Variants in CACNA2D4 observed in about 807,000 individuals in gnomAD.
CACNA2D4 encodes the protein calcium voltage-gated channel auxiliary subunit alpha2delta 4, also known as voltage-dependent calcium channel subunit alpha-2/delta-4.
Under a neutral mutation model 163.8 loss-of-function variants are expected in CACNA2D4, and 157 were observed. The ratio of observed to expected loss-of-function variants is 0.96; its 90% confidence interval spans 0.84 to 1.09. The LOEUF (loss-of-function observed/expected upper bound fraction) is 1.09. CACNA2D4 is among the 50% of genes least tolerant of loss of function. The probability of loss-of-function intolerance (pLI) is 0.00; values close to 1 mark genes in which losing one functional copy is unlikely to be tolerated. For synonymous variants in CACNA2D4, 598 were observed against 586.9 expected (o/e 1.02, Z -0.27); for missense variants, 1,410 against 1,479.9 (o/e 0.95, Z 0.78).
Position 1,828,194 on chromosome 12 carries a change from CT to C in CACNA2D4, c.2551+12544del. The C allele has an allele frequency of 6.5e-7, 1 of 1,547,172 alleles. No homozygotes were observed. Among genetic ancestry groups the C allele is most frequent in the Non-Finnish European group, 8.7e-7 (1 of 1,145,438 alleles). On this transcript the variant is annotated intron_variant, in intron 26 of 37. Transcript: ENST00000382722. This position sits in a 1 kb window ranked among gnomAD's most constrained non-coding sequence, Gnocchi z 4.2. ...CCCTGGGCAGAGGGGCAGGCTCGCC[CT>C]GCAGTGGAGGCAAGTCTCCTGTGAG...
At chr12:1,847,302 G>C (rs1205247108) in intron 23 of CACNA2D4, among the ~76,000 whole-genome samples, 1 of 152,226 alleles carries the variant, frequency 6.6e-6, no homozygotes, top group Non-Finnish European at 1.5e-5. Flanking sequence ...TTTTGACCCA[G>C]ATGATATTCT....
At position 1,886,981 on chromosome 12, in the gene CACNA2D4, C is replaced by T. The variant is rs2470390; in HGVS notation, c.842+28G>A. ...AAAGCTATGAGATAAATACCCGGGC[C>T]GCAAACCTTTCCCCTGTGAGCTCTT... On this transcript the variant is annotated intron_variant, in intron 7 of 37. Coordinates refer to ENST00000382722, the MANE Select transcript of CACNA2D4 (RefSeq NM_172364.5). 1.1e-3 allele frequency: 1,775 copies of T among 1,545,518 alleles called. 12 individuals carry two copies. The African/African-American group carries it at 0.021, about 18-fold the overall frequency.
At chr12:1,826,409 C>G (rs930977452) in intron 26 of CACNA2D4, among the ~76,000 whole-genome samples, 1 of 60,718 alleles carries the variant, frequency 1.6e-5, no homozygotes, top group South Asian at 6.9e-4. Context: ...AGCCCCCCCC[C>G]CCCCCCCGCC....
In CACNA2D4 at chr12:1,874,824, G is replaced by A. The variant is rs1865850892; in HGVS notation, c.1807-149C>T. On this transcript the variant is annotated intron_variant, in intron 17 of 37. Transcript: ENST00000382722. This position sits in a 1 kb window ranked among gnomAD's most constrained non-coding sequence, Gnocchi z 4.4. ...GAGAGAGATACCAGGAGGGAAGATG[G>A]ACCTGACTCTAAGCTCCATCTAGCT... The A allele has an allele frequency of 4.4e-6, 3 of 681,664 alleles. No homozygotes were observed. The Admixed American group carries it at 6.4e-5, about 15-fold the overall frequency. 42.2% of individuals were successfully genotyped at this position (681,664 alleles called of 1,614,324 possible).
chr12:1,886,516 C>T, intron 7 of CACNA2D4, 143 bp from the exon 8 acceptor site: 3 of 741,674 alleles, frequency 4.0e-6, no homozygotes, highest in East Asian at 2.7e-5. Context: ...CCAGGTTTCA[C>T]ATGTTCCATA....
chr12:1,825,865 A>G (rs1864295005), intron 26 of CACNA2D4, among the ~76,000 whole-genome samples: 1 of 152,180 alleles, frequency 6.6e-6, no homozygotes, highest in African/African-American at 2.4e-5. Context: ...GTGACCTTGG[A>G]CAAGTGATCA....
In CACNA2D4 at chr12:1,834,322, C is replaced by A. The variant is rs1484331346; in HGVS notation, c.2551+6417G>T. 1.2e-6 allele frequency: 2 copies of A among 1,610,540 alleles called. No individual in the cohort carries two copies. The highest frequency in any genetic ancestry group is 8.5e-7 in the Non-Finnish European group (1 of 1,178,394). On this transcript the variant is annotated intron_variant, in intron 26 of 37. Coordinates refer to ENST00000382722, the MANE Select transcript of CACNA2D4 (RefSeq NM_172364.5). The surrounding 1 kb of genome is among the most constrained non-coding windows in gnomAD (Gnocchi z 7.6). ...TGCCCAAGGAGCTGAGGGGGAAGGA[C>A]ATGCGGATGGTCCCCATGGAGATGT... is the stretch of plus-strand genomic sequence containing the variant.
rs1479602504 is a variant in CACNA2D4, at chr12:1,874,392, AGCATT to A, written c.1878+207_1878+211del. 6.6e-6 allele frequency among the ~76,000 whole-genome samples: 1 copy of A among 152,204 alleles called. No individual in the cohort carries two copies. The highest frequency in any genetic ancestry group is 1.5e-5 in the Non-Finnish European group (1 of 68,022). The stretch of plus-strand genomic sequence containing the variant: ...CAGCTCAGCGGTCTCCCAAAAGCCA[AGCATT>A]GCATGAGCAATCCTGTCATTCCCTG... On this transcript the variant is annotated intron_variant, in intron 18 of 37. Coordinates refer to ENST00000382722, the MANE Select transcript of CACNA2D4 (RefSeq NM_172364.5). This position sits in a 1 kb window ranked among gnomAD's most constrained non-coding sequence, Gnocchi z 4.4.
In CACNA2D4 at chr12:1,878,946, C is replaced by T. The variant is rs1037990675; in HGVS notation, c.1644+10G>A. 5.6e-6 allele frequency: 9 copies of T among 1,612,238 alleles called. No homozygotes were observed. Among genetic ancestry groups the T allele is most frequent in the Non-Finnish European group, 7.6e-6 (9 of 1,178,642 alleles). On this transcript the variant is annotated intron_variant, in intron 15 of 37. Coordinates refer to ENST00000382722, the MANE Select transcript of CACNA2D4 (RefSeq NM_172364.5). This position sits in a 1 kb window ranked among gnomAD's most constrained non-coding sequence, Gnocchi z 4.6. ...CCTGTGATCCCCACAGGGAACAGACCCAGGCTCACCTTGTACCGGGGCGCC... is the reference window on the plus strand; with the variant it reads ...CCTGTGATCCCCACAGGGAACAGACTCAGGCTCACCTTGTACCGGGGCGCC...
intron 3 of CACNA2D4, among the ~76,000 whole-genome samples, chr12:1,912,255 G>C (rs1215331862): frequency 6.6e-6 from 1 of 152,220 alleles, no homozygotes; most frequent in Non-Finnish European, 1.5e-5. Context: ...TTCAGGGAGA[G>C]CACTGGTCTT....
chr12:1,918,225 T>G (rs751218018), intron 1 of CACNA2D4, 22 bp downstream of exon 1: 2 of 1,550,982 alleles, frequency 1.3e-6, no homozygotes, highest in East Asian at 2.3e-5. Context: ...GTTTTTGGGG[T>G]GGGGTTGAAC....
chr12:1,880,351 C>T (rs932377024), intron 13 of CACNA2D4, among the ~76,000 whole-genome samples: 4 of 152,248 alleles, frequency 2.6e-5, no homozygotes, highest in African/African-American at 9.6e-5. Flanking sequence ...CACAAGCACA[C>T]CCCGAGGCAC....
intron 26 of CACNA2D4, among the ~76,000 whole-genome samples, chr12:1,814,554 G>C (rs988108752): frequency 6.6e-6 from 1 of 152,180 alleles, no homozygotes; most frequent in Non-Finnish European, 1.5e-5. Flanking sequence ...TGAACTTAGC[G>C]TGTTCTCCCC....
intron 18 of CACNA2D4, among the ~76,000 whole-genome samples, chr12:1,862,377 G>A (rs1345322054): frequency 6.6e-6 from 1 of 152,152 alleles, no homozygotes; most frequent in Non-Finnish European, 1.5e-5. Context: ...CCAGTATTTG[G>A]TGTTATTAGT....
rs1265266570 is a variant in CACNA2D4, at chr12:1,883,311, C to T, written c.1352-311G>A. ...GGTCAGCCTCTCCCTCTCCCAGCCT[C>T]GCCCTCCCACTTCCTCACAGGAACA... On this transcript the variant is annotated intron_variant, in intron 12 of 37. Transcript: ENST00000382722. This position sits in a 1 kb window ranked among gnomAD's most constrained non-coding sequence, Gnocchi z 4.5. Among the ~76,000 whole-genome samples the T allele has an allele frequency of 1.3e-5, 2 of 152,198 alleles. No homozygotes were observed. The highest frequency in any genetic ancestry group is 2.4e-5 in the African/African-American group (1 of 41,446).
chr12:1,852,803 G>A (rs944699199), intron 23 of CACNA2D4, among the ~76,000 whole-genome samples: 4 of 152,282 alleles, frequency 2.6e-5, no homozygotes, highest in African/African-American at 7.2e-5. Context: ...GAGTCGGGGC[G>A]CAGGAGTGAG....
intron 29 of CACNA2D4, chr12:1,809,450 G>C: frequency 1.5e-6 from 1 of 681,308 alleles, no homozygotes; most frequent in Non-Finnish European, 2.6e-6. Flanking sequence ...CCCTTTCCCC[G>C]AGGCTCAGGC....
At chr12:1,826,523 G>A (rs977814760) in intron 26 of CACNA2D4, among the ~76,000 whole-genome samples, 4 of 151,856 alleles carry the variant, frequency 2.6e-5, no homozygotes, top group Non-Finnish European at 5.9e-5. Context: ...CCAGGGACGT[G>A]GGTCCTCCTG....
intron 18 of CACNA2D4, among the ~76,000 whole-genome samples, chr12:1,867,616 T>C (rs1865682531): frequency 6.6e-6 from 1 of 152,132 alleles, no homozygotes; most frequent in East Asian, 1.9e-4. Context: ...ATCAATAAAA[T>C]GAAATGGCAA....
Sources: gnomAD v4.1 joint callset for allele counts (sites outside exome capture counted in the v4.1 genomes callset) on GRCh38, gnomAD v4.1.1 for gene constraint, Gnocchi (gnomAD v3.1) non-coding constraint, MANE v1.5 for transcripts, NCBI Gene and HGNC (gene_info 2026-07-23, HGNC 2026-07-21) for gene names.